Variants in QTGAL observed in about 807,000 individuals in gnomAD.
The protein encoded by QTGAL is BGnT-like protein 1.
chr17:82,958,566 A>G, the QTGAL span, among the ~76,000 whole-genome samples: 3 of 151,790 alleles, frequency 2.0e-5, no homozygotes, highest in Admixed American at 1.3e-4. Flanking sequence ...ACCCTGTGGC[A>G]CCCCCTGTTT....
the QTGAL span, among the ~76,000 whole-genome samples, chr17:82,995,390 T>TC: frequency 0.012 from 1,824 of 151,678 alleles, 43 homozygotes; most frequent in African/African-American, 0.042. Context: ...TTTTTCTTTT[T>TC]TTTTTTTTTT....
chr17:82,964,437 G>A, the QTGAL span, among the ~76,000 whole-genome samples: 1 of 152,164 alleles, frequency 6.6e-6, no homozygotes, highest in Non-Finnish European at 1.5e-5. Context: ...AACCAACATA[G>A]AATTGGAGTT....
chr17:82,970,573 C>CA, the QTGAL span, among the ~76,000 whole-genome samples: 231 of 134,878 alleles, frequency 1.7e-3, 38 homozygotes, highest in South Asian at 0.011. Flanking sequence ...CCTCCGCACC[C>CA]GGCGTGGCCG....
the QTGAL span, chr17:82,961,343 GACC>G: frequency 2.4e-5 from 17 of 706,460 alleles, no homozygotes; most frequent in South Asian, 1.2e-4. Context: ...GTGGGGCGGC[GACC>G]ACAACAGACG....
chr17:82,971,059 G>T, the QTGAL span, among the ~76,000 whole-genome samples: 1 of 152,132 alleles, frequency 6.6e-6, no homozygotes, highest in African/African-American at 2.4e-5. Flanking sequence ...AGCGCTGTGG[G>T]AGGCATTCAT....
chr17:83,039,725 A>C, the QTGAL span, among the ~76,000 whole-genome samples: 1 of 152,232 alleles, frequency 6.6e-6, no homozygotes, highest in Non-Finnish European at 1.5e-5. Flanking sequence ...CCTGTTCACA[A>C]ATAAGGAAAC....
chr17:83,023,192 CGTG>C, the QTGAL span, among the ~76,000 whole-genome samples: 6 of 86,868 alleles, frequency 6.9e-5, no homozygotes, highest in Admixed American at 1.1e-4. Flanking sequence ...CCTGCACCAG[CGTG>C]AACTCACATG....
At chr17:82,987,624 G>A in the QTGAL span, among the ~76,000 whole-genome samples, 1 of 152,184 alleles carries the variant, frequency 6.6e-6, no homozygotes, top group Non-Finnish European at 1.5e-5. Flanking sequence ...TGTTCTGTTG[G>A]CCTATGTGTC....
chr17:83,044,622 C>T, the QTGAL span, among the ~76,000 whole-genome samples: 2 of 152,184 alleles, frequency 1.3e-5, no homozygotes, highest in South Asian at 2.1e-4. Flanking sequence ...TATTCGGCAC[C>T]GTCCTGGAAG....
the QTGAL span, among the ~76,000 whole-genome samples, chr17:83,025,645 CGG>C: frequency 6.9e-6 from 1 of 144,530 alleles, no homozygotes; most frequent in Admixed American, 6.8e-5. Context: ...ACGGACACCG[CGG>C]AGAGTCCACA....
chr17:82,968,176 C>G, the QTGAL span, among the ~76,000 whole-genome samples: 2 of 151,920 alleles, frequency 1.3e-5, no homozygotes, highest in African/African-American at 4.8e-5. Context: ...CCCCAGCACC[C>G]GTCCCCGTGT....
At chr17:82,988,979 T>C in the QTGAL span, among the ~76,000 whole-genome samples, 133 of 152,334 alleles carry the variant, frequency 8.7e-4, 1 homozygote, top group East Asian at 0.023. Flanking sequence ...AAATGCCATT[T>C]GACCCAGCAA....
chr17:83,008,461 A>C, the QTGAL span, among the ~76,000 whole-genome samples: 1 of 152,118 alleles, frequency 6.6e-6, no homozygotes, highest in African/African-American at 2.4e-5. Context: ...GGAATAGGAT[A>C]CTGACAGAAG....
chr17:83,014,626 G>C, the QTGAL span: 1 of 1,230,038 alleles, frequency 8.1e-7, no homozygotes, highest in Non-Finnish European at 1.2e-6. Context: ...CACAATCATA[G>C]CTCACTGCAG....
the QTGAL span, among the ~76,000 whole-genome samples, chr17:83,035,315 G>A: frequency 2.7e-4 from 41 of 152,036 alleles, no homozygotes; most frequent in Admixed American, 6.5e-4. Context: ...GAGTAGCTGG[G>A]ATTACAGGCA....
chr17:83,034,220 G>A, the QTGAL span, among the ~76,000 whole-genome samples: 3 of 152,180 alleles, frequency 2.0e-5, no homozygotes, highest in Non-Finnish European at 4.4e-5. Flanking sequence ...GATTACAGGC[G>A]TGAGCCACCG....
the QTGAL span, chr17:82,956,949 C>G: frequency 1.1e-6 from 1 of 948,446 alleles, no homozygotes. This position sits in a 1 kb window ranked among gnomAD's most constrained non-coding sequence, Gnocchi z 5.7. Flanking sequence ...GCTCCCGCCA[C>G]CCCCGCCTGA....
At chr17:83,016,488 G>A in the QTGAL span, among the ~76,000 whole-genome samples, 1 of 142,896 alleles carries the variant, frequency 7.0e-6, no homozygotes, top group Non-Finnish European at 1.5e-5. Context: ...GAATGGAGGA[G>A]TGAGAAGGGA....
the QTGAL span, among the ~76,000 whole-genome samples, chr17:82,951,090 T>C: frequency 6.6e-6 from 1 of 152,240 alleles, no homozygotes; most frequent in African/African-American, 2.4e-5. Context: ...GTTCCAATAA[T>C]GGAACACTAG....
Sources: gnomAD v4.1 joint callset for allele counts (sites outside exome capture counted in the v4.1 genomes callset) on GRCh38, gnomAD v4.1.1 for gene constraint, Gnocchi (gnomAD v3.1) non-coding constraint, MANE v1.5 for transcripts, NCBI Gene and HGNC (gene_info 2026-07-23, HGNC 2026-07-21) for gene names.